FHIT: variants seen among roughly 807,000 people sequenced by gnomAD.
FHIT encodes the protein bis(5'-adenosyl)-triphosphatase.
In FHIT, 19 loss-of-function variants were observed where a neutral mutation model predicts 17.9. That is an observed-to-expected ratio of 1.06 (90% confidence interval 0.74 to 1.56). FHIT has a LOEUF of 1.56. Ranked by LOEUF, FHIT falls within the 40% of genes most tolerant of loss-of-function variation. The probability of loss-of-function intolerance (pLI) is 0.00; values close to 1 mark genes in which losing one functional copy is unlikely to be tolerated. For synonymous variants in FHIT, 81 were observed against 69.7 expected (o/e 1.16, Z -0.81); for missense variants, 248 against 189.2 (o/e 1.31, Z -1.82).
At chr3:60,338,653 T>C (rs73104903) in intron 5 of FHIT, among the ~76,000 whole-genome samples, 6 of 152,194 alleles carry the variant, frequency 3.9e-5, no homozygotes, top group Non-Finnish European at 5.9e-5. Context: ...ACTTAGATGT[T>C]GCCTGAGAAA....
At chr3:60,781,349 A>G (rs1553725662) in intron 4 of FHIT, among the ~76,000 whole-genome samples, 1 of 152,150 alleles carries the variant, frequency 6.6e-6, no homozygotes. Context: ...CTAGAAGACT[A>G]TTTCTGCACC....
chr3:60,958,028 C>T (rs1365896934), intron 3 of FHIT, among the ~76,000 whole-genome samples: 5 of 152,098 alleles, frequency 3.3e-5, no homozygotes, highest in Admixed American at 1.3e-4. Flanking sequence ...TTCTTTTGTA[C>T]GCACTTAAAA....
chr3:60,006,789 T>C (rs749400303), intron 7 of FHIT, among the ~76,000 whole-genome samples: 4 of 152,148 alleles, frequency 2.6e-5, no homozygotes, highest in Admixed American at 2.6e-4. Context: ...CTAGACTTAA[T>C]TAAGAGATAA....
At position 59,747,880 on chromosome 3, in the gene FHIT, C is replaced by T. The variant is rs1377682224; in HGVS notation, c.*1705G>A. On this transcript the variant is annotated 3_prime_UTR_variant, in exon 10 of 10. Transcript: ENST00000492590. ...AGCTTGCTCTGGGTTTAAGATCTGG[C>T]CTCCACTGCTGTTTCTCCAAAGTTG... 6.6e-6 allele frequency among the ~76,000 whole-genome samples: 1 copy of T among 152,090 alleles called. No homozygotes were observed. Among genetic ancestry groups the T allele is most frequent in the East Asian group, 1.9e-4 (1 of 5,174 alleles).
chr3:60,055,446 T>C (rs1214647438), intron 5 of FHIT, among the ~76,000 whole-genome samples: 1 of 118,854 alleles, frequency 8.4e-6, no homozygotes. Context: ...GTGATGGACT[T>C]TCTTTTTTTT....
chr3:60,152,445 G>A (rs1274135906), intron 5 of FHIT, among the ~76,000 whole-genome samples: 1 of 152,170 alleles, frequency 6.6e-6, no homozygotes, highest in African/African-American at 2.4e-5. Flanking sequence ...GGGAAAGCAG[G>A]CCGCAGCTAC....
chr3:60,297,500 C>T (rs1056218190), intron 5 of FHIT, among the ~76,000 whole-genome samples: 1 of 151,858 alleles, frequency 6.6e-6, no homozygotes, highest in South Asian at 2.1e-4. Flanking sequence ...CCTTTCTGAA[C>T]TCATCTATTA....
chr3:59,965,114 A>T (rs574069375), intron 7 of FHIT, among the ~76,000 whole-genome samples: 2 of 152,182 alleles, frequency 1.3e-5, no homozygotes, highest in Non-Finnish European at 2.9e-5. Flanking sequence ...TCAGTCATGT[A>T]AATCAGAGAG....
At chr3:59,962,478 T>G (rs577260594) in intron 7 of FHIT, among the ~76,000 whole-genome samples, 3 of 152,296 alleles carry the variant, frequency 2.0e-5, no homozygotes, top group South Asian at 2.1e-4. Context: ...AAAAGCAGAA[T>G]GGCCTAAAGA....
At chr3:61,141,437 G>A (rs139402734) in intron 2 of FHIT, among the ~76,000 whole-genome samples, 3 of 152,284 alleles carry the variant, frequency 2.0e-5, no homozygotes, top group Non-Finnish European at 4.4e-5. Context: ...GAGGGATACA[G>A]ACAAATACCT....
At chr3:60,177,571 T>A (rs1052591524) in intron 5 of FHIT, among the ~76,000 whole-genome samples, 2 of 152,206 alleles carry the variant, frequency 1.3e-5, no homozygotes, top group Middle Eastern at 3.2e-3. Context: ...AAATTCCATT[T>A]TGTAATACAC....
At chr3:60,482,231 A>G (rs900591668) in intron 5 of FHIT, among the ~76,000 whole-genome samples, 1 of 152,174 alleles carries the variant, frequency 6.6e-6, no homozygotes, top group Non-Finnish European at 1.5e-5. Context: ...ATAGTGGGAG[A>G]CTTTAACACC....
At chr3:60,293,720 C>A (rs1321352164) in intron 5 of FHIT, among the ~76,000 whole-genome samples, 1 of 152,058 alleles carries the variant, frequency 6.6e-6, no homozygotes, top group Non-Finnish European at 1.5e-5. Flanking sequence ...TAGGGAAAAT[C>A]AACAGTGCCC....
chr3:60,044,591 G>A lies in FHIT; in HGVS notation c.104-30439C>T, dbSNP rs138942367. 8.6e-3 allele frequency among the ~76,000 whole-genome samples: 1,316 copies of A among 152,214 alleles called. 30 individuals carry two copies. Among genetic ancestry groups the A allele is most frequent in the South Asian group, 0.071 (344 of 4,814 alleles). The stretch of plus-strand genomic sequence containing the variant: ...GAGAAAGAACAACAATGATATCATG[G>A]TAAAGGCCTGTAGAAATTGATCTAC... On this transcript the variant is annotated intron_variant, in intron 5 of 9. Transcript: ENST00000492590.
intron 4 of FHIT, among the ~76,000 whole-genome samples, chr3:60,715,585 C>T (rs1490911847): frequency 5.4e-5 from 7 of 128,760 alleles, no homozygotes; most frequent in Admixed American, 5.1e-4. Context: ...AACACATGGA[C>T]GCAGGAAGGG....
intron 8 of FHIT, among the ~76,000 whole-genome samples, chr3:59,815,420 T>A (rs115960396): frequency 1.6e-3 from 238 of 152,270 alleles, no homozygotes; most frequent in African/African-American, 5.6e-3. Flanking sequence ...TGAAAAAAAA[T>A]ACTTGCACAC....
chr3:60,673,750 T>C (rs2040561817), intron 4 of FHIT, among the ~76,000 whole-genome samples: 1 of 152,176 alleles, frequency 6.6e-6, no homozygotes, highest in Non-Finnish European at 1.5e-5. Context: ...GCTTGAATAG[T>C]TTTTATTTAG....
chr3:60,086,209 G>A (rs571911291), intron 5 of FHIT, among the ~76,000 whole-genome samples: 2 of 152,244 alleles, frequency 1.3e-5, no homozygotes, highest in South Asian at 4.2e-4. Context: ...AACTAATAGA[G>A]TGAGAACTTG....
intron 5 of FHIT, among the ~76,000 whole-genome samples, chr3:60,462,447 C>T (rs776628966): frequency 2.6e-5 from 4 of 152,126 alleles, no homozygotes; most frequent in Non-Finnish European, 5.9e-5. Context: ...ATGTCAAATG[C>T]ACCTAGGGCA....
Sources: gnomAD v4.1 joint callset for allele counts (sites outside exome capture counted in the v4.1 genomes callset) on GRCh38, gnomAD v4.1.1 for gene constraint, MANE v1.5 for transcripts, NCBI Gene and HGNC (gene_info 2026-07-23, HGNC 2026-07-21) for gene names.